Variants in PLEKHG1 observed in about 807,000 individuals in gnomAD.
PLEKHG1 encodes the protein pleckstrin homology and RhoGEF domain containing G1, also known as pleckstrin homology domain-containing family G member 1.
In PLEKHG1, 44 loss-of-function variants were observed where a neutral mutation model predicts 100.8. That is an observed-to-expected ratio of 0.44 (90% confidence interval 0.34 to 0.56). The LOEUF (loss-of-function observed/expected upper bound fraction) is 0.56. Among genes scored for constraint, PLEKHG1 ranks in the 20% least tolerant of loss-of-function variants. The pLI, the probability that PLEKHG1 is intolerant of heterozygous loss-of-function variation, is 0.01. For synonymous variants in PLEKHG1, 640 were observed against 662.5 expected (o/e 0.97, Z 0.52); for missense variants, 1,545 against 1,720.9 (o/e 0.90, Z 1.81).
chr6:150,701,417 T>TTATATA (rs56982419), intron 3 of PLEKHG1, among the ~76,000 whole-genome samples: 588 of 30,932 alleles, frequency 0.019, 51 homozygotes, highest in Non-Finnish European at 0.023. Context: ...CAGTAATTCT[T>TTATATA]TATATATATA....
rs17080102 is a variant in PLEKHG1, at chr6:150,683,634, G to C, written c.-99+32848G>C. ...TGTTGGGGAAAACCTTGGACACTGT[G>C]CATCCACCTGCTATAACTGGCAAAC... On this transcript the variant is annotated intron_variant, in intron 3 of 3. Coordinates refer to the PLEKHG1 transcript ENST00000367326. The surrounding 1 kb of genome is among the most constrained non-coding windows in gnomAD (Gnocchi z 4.0). The C allele has an allele frequency of 0.089, 35,592 of 401,208 alleles. 1,938 individuals are homozygous for C. The highest frequency in any genetic ancestry group is 0.16 in the South Asian group (7,705 of 47,064). The allele number at this position is 401,208 out of a possible 1,614,324, so 24.9% of individuals were successfully genotyped here.
At chr6:150,800,652 G>C in intron 5 of PLEKHG1, 67 bp from the exon 7 acceptor site, 1 of 1,446,104 alleles carries the variant, frequency 6.9e-7, no homozygotes, top group Non-Finnish European at 9.6e-7. Context: ...ACTTGCAATA[G>C]CATTTAAAAT....
intron 3 of PLEKHG1, among the ~76,000 whole-genome samples, chr6:150,695,321 G>C (rs1780501340): frequency 6.6e-6 from 1 of 152,194 alleles, no homozygotes; most frequent in South Asian, 2.1e-4. Flanking sequence ...TCCAAGTCTA[G>C]CACGTTGTCC....
At chr6:150,705,756 A>G (rs1780979552) in intron 3 of PLEKHG1, among the ~76,000 whole-genome samples, 1 of 152,212 alleles carries the variant, frequency 6.6e-6, no homozygotes. Context: ...GATATCACGT[A>G]TCAGAGGCGA....
exon 15 of PLEKHG1, chr6:150,830,713 C>T (rs750866112): frequency 8.1e-6 from 13 of 1,613,998 alleles, no homozygotes; most frequent in Middle Eastern, 1.6e-4. Flanking sequence ...ACATCTGGAC[C>T]GATCACCAGA....
intron 1 of PLEKHG1, among the ~76,000 whole-genome samples, chr6:150,631,636 G>A (rs972784572): frequency 6.6e-6 from 1 of 152,204 alleles, no homozygotes; most frequent in African/African-American, 2.4e-5. Flanking sequence ...GAAAATAAAA[G>A]TTCTAACCTT....
intron 5 of PLEKHG1, among the ~76,000 whole-genome samples, chr6:150,800,191 C>T (rs1232501705): frequency 6.6e-6 from 1 of 152,088 alleles, no homozygotes; most frequent in Non-Finnish European, 1.5e-5. Context: ...TCTAAGCAAG[C>T]CTACCACATA....
intron 3 of PLEKHG1, among the ~76,000 whole-genome samples, chr6:150,715,496 T>C (rs1464592897): frequency 6.7e-6 from 1 of 150,304 alleles, no homozygotes; most frequent in Non-Finnish European, 1.5e-5. Context: ...TTTTCTTTTT[T>C]TTTTTTTTTG....
intron 3 of PLEKHG1, among the ~76,000 whole-genome samples, chr6:150,687,666 T>C (rs1444279724): frequency 6.6e-6 from 1 of 152,158 alleles, no homozygotes; most frequent in East Asian, 1.9e-4. Flanking sequence ...AGGAACACAG[T>C]GCCAGCTGAG....
chr6:150,821,336 T>C (rs560406166), intron 13 of PLEKHG1, 103 bp downstream of exon 14: 1 of 772,762 alleles, frequency 1.3e-6, no homozygotes, highest in Non-Finnish European at 2.2e-6. Flanking sequence ...ATTGACAGAT[T>C]TGATTTGATT....
chr6:150,716,064 C>A (rs1268065469), intron 3 of PLEKHG1, among the ~76,000 whole-genome samples: 2 of 147,850 alleles, frequency 1.4e-5, no homozygotes, highest in Non-Finnish European at 3.0e-5. Context: ...GCCGAGATCG[C>A]GCCACTGCAC....
At chr6:150,657,052 A>G (rs1277543313) in intron 3 of PLEKHG1, among the ~76,000 whole-genome samples, 1 of 152,148 alleles carries the variant, frequency 6.6e-6, no homozygotes, top group Admixed American at 6.5e-5. Flanking sequence ...CCAATGAAGA[A>G]TGACTTTCAG....
intron 11 of PLEKHG1, among the ~76,000 whole-genome samples, chr6:150,819,023 A>G (rs1420911079): frequency 3.3e-5 from 5 of 152,054 alleles, no homozygotes; most frequent in Non-Finnish European, 5.9e-5. Context: ...CTCGCATCCA[A>G]CAGACCCGAG....
At chr6:150,834,999 G>C (rs1354478140) in intron 15 of PLEKHG1, among the ~76,000 whole-genome samples, 2 of 152,016 alleles carry the variant, frequency 1.3e-5, no homozygotes, top group East Asian at 1.9e-4. Flanking sequence ...CGAATGGACC[G>C]ATTCTCCAGA....
intron 2 of PLEKHG1, among the ~76,000 whole-genome samples, chr6:150,757,366 T>G (rs1236819415): frequency 6.6e-6 from 1 of 152,226 alleles, no homozygotes; most frequent in African/African-American, 2.4e-5. Context: ...TTCACTAGAA[T>G]TAAGAGTCCT....
exon 12 of PLEKHG1, chr6:150,819,722 A>T (rs1337495514): frequency 6.2e-7 from 1 of 1,612,878 alleles, no homozygotes; most frequent in Admixed American, 1.7e-5. Flanking sequence ...GGACGAAAGC[A>T]CTGTTCGGCT....
At chr6:150,689,006 A>G (rs1345122669) in intron 3 of PLEKHG1, among the ~76,000 whole-genome samples, 1 of 152,250 alleles carries the variant, frequency 6.6e-6, no homozygotes, top group Non-Finnish European at 1.5e-5. Flanking sequence ...CCAAACAAAA[A>G]TTCTGTAACC....
intron 14 of PLEKHG1, among the ~76,000 whole-genome samples, chr6:150,826,942 TTC>T (rs956175174): frequency 1.3e-5 from 2 of 151,938 alleles, no homozygotes; most frequent in African/African-American, 2.4e-5. Context: ...TCCAGCCTGA[TTC>T]TCTCTCTATC....
intron 2 of PLEKHG1, among the ~76,000 whole-genome samples, chr6:150,761,992 A>G (rs1784184768): frequency 6.6e-6 from 1 of 152,138 alleles, no homozygotes; most frequent in South Asian, 2.1e-4. Context: ...ACAGCTTAAC[A>G]AGAAGGCCAT....
Sources: allele counts gnomAD v4.1 joint callset (sites outside exome capture counted in the v4.1 genomes callset), GRCh38; gene constraint gnomAD v4.1.1; non-coding constraint Gnocchi (gnomAD v3.1); transcripts MANE v1.5; gene names NCBI Gene and HGNC (gene_info 2026-07-23, HGNC 2026-07-21).